The following PLPPR1 variants were observed in gnomAD, a reference collection of about 807,000 sequenced individuals.
PLPPR1 encodes the protein phospholipid phosphatase-related protein type 1.
PLPPR1 carries 10 observed loss-of-function variants against 33.1 expected under a neutral mutation model. The ratio of observed to expected loss-of-function variants is 0.30; its 90% CI spans 0.19 to 0.51. The LOEUF (loss-of-function observed/expected upper bound fraction) is 0.51, where lower values mean the gene tolerates loss of function less well. Ranked by LOEUF, PLPPR1 falls within the 20% of genes least tolerant of loss-of-function variation. The pLI is 0.97. For synonymous variants in PLPPR1, 151 were observed against 151.0 expected, an observed-to-expected ratio of 1.00 and a Z score of 0.00; for missense variants, 304 against 408.1, an observed-to-expected ratio of 0.74 and a Z score of 2.20.
intron 5 of PLPPR1, among the ~76,000 whole-genome samples, chr9:101,311,949 T>C (rs1351946163): frequency 6.6e-6 from 1 of 152,154 alleles, no homozygotes; most frequent in African/African-American, 2.4e-5. Context: ...GCTTCCTAAC[T>C]CTAAACCACC....
chr9:101,276,144 A>G (rs541542293), intron 3 of PLPPR1, among the ~76,000 whole-genome samples: 1 of 152,282 alleles, frequency 6.6e-6, no homozygotes, highest in Admixed American at 6.5e-5. Flanking sequence ...CAGGCTCTGA[A>G]CAACCTCATC....
At chr9:101,299,965 G>A (rs541321273) in intron 4 of PLPPR1, among the ~76,000 whole-genome samples, 1 of 152,102 alleles carries the variant, frequency 6.6e-6, no homozygotes, top group East Asian at 1.9e-4. Context: ...GTTCCCTGGG[G>A]CAGGGTCACC....
At chr9:101,050,752 C>T (rs967517827) in intron 1 of PLPPR1, among the ~76,000 whole-genome samples, 57 of 152,120 alleles carry the variant, frequency 3.7e-4, no homozygotes, top group African/African-American at 1.2e-3. Context: ...CATCTTGATG[C>T]CTATTAATAG....
intron 7 of PLPPR1, among the ~76,000 whole-genome samples, chr9:101,321,146 C>A (rs537334649): frequency 1.3e-5 from 2 of 152,270 alleles, no homozygotes; most frequent in South Asian, 4.1e-4. Context: ...AGCATGTGGA[C>A]CTTTTCAGAT....
chr9:101,147,471 G>A (rs1034544921), intron 1 of PLPPR1, among the ~76,000 whole-genome samples: 2 of 152,156 alleles, frequency 1.3e-5, no homozygotes. Context: ...GCTCAGTGGG[G>A]AAGGAGCAGA....
At position 101,194,753 on chromosome 9, in the gene PLPPR1, C is replaced by CAAAAAAA. The variant is rs11439112; in HGVS notation, c.63+9206_63+9212dup. ...GGGCAACAAGAGTGAAACTCCATCT[C>CAAAAAAA]AAAAAAAAAAAAAAAAGTTAAAACG... is the stretch of plus-strand genomic sequence containing the variant. On this transcript the variant is annotated intron_variant, in intron 2 of 7. Transcript: ENST00000374874. 6.8e-5 allele frequency among the ~76,000 whole-genome samples: 8 copies of CAAAAAAA among 116,926 alleles called. No homozygotes were observed. In the South Asian group the frequency reaches 2.1e-3, roughly 31 times the overall value. 76.7% of individuals were successfully genotyped at this position (116,926 alleles called of 152,430 possible). A position where few individuals can be genotyped will look rare whatever the true frequency, so the allele number is the denominator to read the frequency against.
chr9:101,301,205 C>T (rs1211806105), intron 4 of PLPPR1, among the ~76,000 whole-genome samples: 4 of 152,072 alleles, frequency 2.6e-5, no homozygotes, highest in East Asian at 1.9e-4. Context: ...ACCAGCTTAT[C>T]GCATTGTAAA....
At chr9:101,309,570 G>A in intron 5 of PLPPR1, 109 bp downstream of exon 5, 1 of 1,238,680 alleles carries the variant, frequency 8.1e-7, no homozygotes. Flanking sequence ...TTAAATTTAT[G>A]TATGGCATAT....
In PLPPR1 at chr9:101,312,335, T is replaced by C. The variant is rs1018920573; in HGVS notation, c.637-463T>C. On this transcript the variant is annotated intron_variant, in intron 5 of 7. Coordinates refer to ENST00000374874, the MANE Select transcript of PLPPR1 (RefSeq NM_207299.2). ...GGTGTGACAAAGCAACTAGGAACTT[T>C]TGGGGACACAAAAAATAAAATGTAC... Among the ~76,000 whole-genome samples the C allele has an allele frequency of 9.9e-5, 15 of 152,184 alleles. No homozygotes were observed. In the South Asian group the frequency reaches 2.9e-3, roughly 29 times the overall value.
In PLPPR1 at chr9:101,269,490, C is replaced by T. The variant is rs560721401; in HGVS notation, c.64-390C>T. The stretch of plus-strand genomic sequence containing the variant: ...AATATTATATGAAATTGCTCATGAA[C>T]AGTTCTCACATCTATGTCTTGACAA... On this transcript the variant is annotated intron_variant, in intron 2 of 7. Coordinates refer to ENST00000374874, the MANE Select transcript of PLPPR1 (RefSeq NM_207299.2). Among the ~76,000 whole-genome samples the T allele has an allele frequency of 2.0e-5, 3 of 152,276 alleles. No homozygotes were observed. The East Asian group carries it at 5.8e-4, about 29-fold the overall frequency.
chr9:101,171,880 G>A (rs951708601), intron 1 of PLPPR1, among the ~76,000 whole-genome samples: 3 of 152,178 alleles, frequency 2.0e-5, no homozygotes, highest in Non-Finnish European at 4.4e-5. Flanking sequence ...CTGAGGAAAC[G>A]AATGCCTATT....
rs760990429 is a variant in PLPPR1 at position 101,312,867 on chromosome 9, C to T, written c.706C>T (p.Leu236Phe). ...LAKPVLCLGT[L>F]CTAFLTGLNR... ...CAAGCCGGTGCTGTGCCTCGGAACT[C>T]TCTGCACAGCCTTCCTGACAGGCCT... Residue 236 changes from leucine to phenylalanine, a missense_variant, in exon 6 of 8, where the codon CTC becomes TTC. Leu to Phe is a conservative substitution (Grantham distance 22). Coordinates refer to ENST00000374874, the MANE Select transcript of PLPPR1 (RefSeq NM_207299.2). 2 of 1,614,188 alleles carry T rather than the reference C, an allele frequency of 1.2e-6. No individual in the cohort carries two copies. The highest frequency in any genetic ancestry group is 1.7e-6 in the Non-Finnish European group (2 of 1,180,036).
chr9:101,249,943 A>G (rs1827687499), intron 2 of PLPPR1, among the ~76,000 whole-genome samples: 1 of 152,062 alleles, frequency 6.6e-6, no homozygotes, highest in African/African-American at 2.4e-5. Context: ...CTTTCTCTAC[A>G]TTGTCGTCCA....
intron 1 of PLPPR1, among the ~76,000 whole-genome samples, chr9:101,152,668 T>C (rs1434795333): frequency 6.6e-6 from 1 of 152,196 alleles, no homozygotes; most frequent in African/African-American, 2.4e-5. Context: ...CCTTTCCCCA[T>C]TTCTTGTTTT....
chr9:101,248,730 C>G (rs186722693), intron 2 of PLPPR1, among the ~76,000 whole-genome samples: 1 of 152,122 alleles, frequency 6.6e-6, no homozygotes, highest in Admixed American at 6.6e-5. Context: ...AATACCTGTT[C>G]TTATCTTATT....
intron 1 of PLPPR1, among the ~76,000 whole-genome samples, chr9:101,172,286 A>T (rs1210905012): frequency 6.6e-6 from 1 of 152,000 alleles, no homozygotes; most frequent in Non-Finnish European, 1.5e-5. Context: ...ACATGTTAAG[A>T]TGTCTTTTGC....
At chr9:101,145,253 G>A (rs2118639298) in intron 1 of PLPPR1, among the ~76,000 whole-genome samples, 1 of 152,312 alleles carries the variant, frequency 6.6e-6, no homozygotes, top group East Asian at 1.9e-4. Flanking sequence ...AAATAGCTAA[G>A]AGAGTAGATT....
intron 2 of PLPPR1, among the ~76,000 whole-genome samples, chr9:101,235,595 AT>A (rs1234755765): frequency 1.3e-5 from 2 of 151,888 alleles, no homozygotes; most frequent in African/African-American, 4.8e-5. Context: ...AAGAAAAAAA[AT>A]AGTTTCTTAT....
intron 1 of PLPPR1, among the ~76,000 whole-genome samples, chr9:101,116,660 A>G (rs1831121657): frequency 6.6e-6 from 1 of 152,070 alleles, no homozygotes; most frequent in South Asian, 2.1e-4. Flanking sequence ...TAAAAATACA[A>G]AAAAGCTGGG....
Sources: gnomAD v4.1 joint callset for allele counts (sites outside exome capture counted in the v4.1 genomes callset) on GRCh38, gnomAD v4.1.1 for gene constraint, MANE v1.5 for transcripts, NCBI Gene and HGNC (gene_info 2026-07-23, HGNC 2026-07-21) for gene names.